The following NBAS variants were observed in gnomAD, a reference collection of about 807,000 sequenced individuals.
NBAS encodes NBAS subunit of NRZ tethering complex.
NBAS carries 219 observed loss-of-function variants against 302.5 expected under a neutral mutation model. The observed-to-expected ratio is 0.72, with a 90% CI of 0.65 to 0.81. The LOEUF (loss-of-function observed/expected upper bound fraction) is 0.81. NBAS is among the 30% of genes least tolerant of loss of function. NBAS has a pLI of 0.00. For synonymous variants in NBAS, 1,118 were observed against 1,021.6 expected (o/e 1.09, Z -1.80); for missense variants, 2,932 against 2,841.6 (o/e 1.03, Z -0.72).
Position 15,403,597 on chromosome 2 carries a change from AT to A in NBAS, c.2938-1297del, listed in dbSNP as rs542652529. Among the ~76,000 whole-genome samples, 35 of 152,300 alleles carry A rather than the reference AT, an allele frequency of 2.3e-4. 1 individual carries two copies. The East Asian group carries it at 6.6e-3, about 29-fold the overall frequency. On this transcript the variant is annotated intron_variant, in intron 25 of 51. Coordinates refer to ENST00000281513, the MANE Select transcript of NBAS (RefSeq NM_015909.4). ...AGAGGATGTGCAAAGGTTATCACAA[AT>A]ACTACACCATTGTGTATCAGGGACT...
At chr2:15,422,300 T>C (rs571405404) in intron 23 of NBAS, among the ~76,000 whole-genome samples, 2 of 152,316 alleles carry the variant, frequency 1.3e-5, no homozygotes, top group African/African-American at 4.8e-5. Flanking sequence ...CATGGTTTGA[T>C]AGTTCATTTC....
intron 21 of NBAS, among the ~76,000 whole-genome samples, chr2:15,443,924 TACCTAGGAATCCA>T (rs1304197393): frequency 2.0e-5 from 3 of 151,878 alleles, no homozygotes; most frequent in African/African-American, 7.3e-5. Flanking sequence ...GAGAATAAAA[TACCTAGGAATCCA>T]ACTTACAAGG....
At chr2:15,406,298 G>C (rs1676412781) in intron 25 of NBAS, among the ~76,000 whole-genome samples, 1 of 152,018 alleles carries the variant, frequency 6.6e-6, no homozygotes, top group Non-Finnish European at 1.5e-5. Flanking sequence ...ATATGACAAA[G>C]GTGGCATTTC....
chr2:15,532,759 A>G (rs1269732280), intron 9 of NBAS, among the ~76,000 whole-genome samples: 1 of 152,078 alleles, frequency 6.6e-6, no homozygotes, highest in Non-Finnish European at 1.5e-5. Flanking sequence ...AGTTGGGTGG[A>G]GGAGTCAGTT....
chr2:15,469,205 G>C (rs1289276421), intron 16 of NBAS, among the ~76,000 whole-genome samples: 2 of 152,148 alleles, frequency 1.3e-5, no homozygotes, highest in Non-Finnish European at 2.9e-5. Context: ...ATCTCCTTCA[G>C]TTCTGCTCTG....
chr2:14,827,561 G>T, the NBAS span, among the ~76,000 whole-genome samples: 1 of 152,160 alleles, frequency 6.6e-6, no homozygotes, highest in South Asian at 2.1e-4. Flanking sequence ...ATGTTCATCA[G>T]TGGATGAATG....
At chr2:15,098,516 GTA>G in the NBAS span, among the ~76,000 whole-genome samples, 1 of 104,918 alleles carries the variant, frequency 9.5e-6, no homozygotes, top group African/African-American at 3.9e-5. Context: ...ATTATATATT[GTA>G]TATATGTTAT....
chr2:15,198,982 C>T (rs1459201665), intron 48 of NBAS, among the ~76,000 whole-genome samples: 4 of 151,810 alleles, frequency 2.6e-5, no homozygotes, highest in African/African-American at 7.3e-5. Context: ...AAAAATTAGC[C>T]GGGCATTGGT....
intron 42 of NBAS, 142 bp downstream of exon 42, chr2:15,286,930 TA>T: frequency 1.5e-6 from 1 of 665,354 alleles, no homozygotes; most frequent in Non-Finnish European, 2.6e-6. Context: ...CAAAGATGTA[TA>T]AGGAAAGAAC....
chr2:15,141,056 T>C, the NBAS span, among the ~76,000 whole-genome samples: 1,044 of 152,338 alleles, frequency 6.9e-3, 66 homozygotes, highest in East Asian at 0.13. Context: ...CTTATTTCTG[T>C]GCAAAGTATT....
chr2:15,269,685 C>T (rs1669230474), intron 44 of NBAS, among the ~76,000 whole-genome samples: 1 of 152,176 alleles, frequency 6.6e-6, no homozygotes, highest in Non-Finnish European at 1.5e-5. Context: ...CTATATAACT[C>T]AGGGAACTGA....
the NBAS span, among the ~76,000 whole-genome samples, chr2:14,789,296 A>G: frequency 6.6e-6 from 1 of 152,150 alleles, no homozygotes; most frequent in African/African-American, 2.4e-5. Context: ...AAGTGAGGCA[A>G]TGCCTCACCC....
the NBAS span, among the ~76,000 whole-genome samples, chr2:15,069,598 G>A: frequency 1.3e-5 from 2 of 151,740 alleles, no homozygotes; most frequent in African/African-American, 2.4e-5. Context: ...AGCAAAAATG[G>A]CAAATGACAC....
chr2:15,026,140 T>C, the NBAS span, among the ~76,000 whole-genome samples: 276 of 151,374 alleles, frequency 1.8e-3, no homozygotes, highest in African/African-American at 6.3e-3. Context: ...GTTTTTAACA[T>C]GAAGGGATGT....
intron 44 of NBAS, among the ~76,000 whole-genome samples, chr2:15,266,926 T>TA (rs1319175253): frequency 6.6e-5 from 10 of 152,308 alleles, no homozygotes; most frequent in African/African-American, 2.4e-4. Context: ...ATCAATCTTT[T>TA]AAAAAACTAT....
intron 11 of NBAS, among the ~76,000 whole-genome samples, chr2:15,492,726 G>T (rs1029638028): frequency 1.3e-5 from 2 of 152,102 alleles, no homozygotes; most frequent in African/African-American, 2.4e-5. Context: ...CTCCCAAAGT[G>T]TTGAGATTAC....
intron 12 of NBAS, among the ~76,000 whole-genome samples, chr2:15,482,178 T>C (rs1680454688): frequency 6.6e-6 from 1 of 152,214 alleles, no homozygotes; most frequent in Admixed American, 6.5e-5. Context: ...TCACCCAGGT[T>C]GCAGTGCAGT....
chr2:15,232,510 C>A lies in NBAS; in HGVS notation c.6148G>T (p.Gly2050Cys). 6.2e-7 allele frequency: 1 copy of A among 1,613,388 alleles called. No homozygotes were observed. The highest frequency in any genetic ancestry group is 1.1e-5 in the South Asian group (1 of 91,068). Residue 2050 changes from glycine to cysteine, a missense_variant and splice_region_variant, in exon 47 of 52, where the codon GGT becomes TGT. Coordinates refer to ENST00000281513, the MANE Select transcript of NBAS (RefSeq NM_015909.4). The part of the protein sequence containing the change: ...AIMKIISALS[G>C]GSADLGGPRD... ...GGCCCACCAAGGTCAGCACTGCCACCACTGTGAAAAGAGAGATAAACTGAT... is the reference window on the plus strand; with the variant it reads ...GGCCCACCAAGGTCAGCACTGCCACAACTGTGAAAAGAGAGATAAACTGAT...
intron 47 of NBAS, among the ~76,000 whole-genome samples, chr2:15,225,705 T>G (rs1252177496): frequency 6.6e-6 from 1 of 152,204 alleles, no homozygotes; most frequent in Non-Finnish European, 1.5e-5. Flanking sequence ...AGTTTTGAAG[T>G]AAATCTTTCT....
Sources: allele counts gnomAD v4.1 joint callset (sites outside exome capture counted in the v4.1 genomes callset), GRCh38; gene constraint gnomAD v4.1.1; transcripts MANE v1.5; gene names NCBI Gene and HGNC (gene_info 2026-07-23, HGNC 2026-07-21).